The following JARID2 variants were observed in gnomAD, a reference collection of about 807,000 sequenced individuals.
JARID2 encodes protein Jumonji.
In JARID2, 21 loss-of-function variants were observed where a neutral mutation model predicts 125.6. The ratio of observed to expected loss-of-function variants is 0.17; its 90% CI spans 0.12 to 0.24. JARID2 has a LOEUF of 0.24. JARID2 is among the 10% of genes least tolerant of loss of function. JARID2 has a pLI of 1.00. For synonymous variants in JARID2, 736 were observed against 661.6 expected, an observed-to-expected ratio of 1.11 and a Z score of -1.73; for missense variants, 1,303 against 1,639.6, an observed-to-expected ratio of 0.79 and a Z score of 3.55.
chr6:15,367,580 C>A (rs1266295450), intron 1 of JARID2, among the ~76,000 whole-genome samples: 2 of 152,190 alleles, frequency 1.3e-5, no homozygotes, highest in Non-Finnish European at 2.9e-5. Context: ...ACTTCCTGAT[C>A]TGATATCTGC....
At chr6:15,276,190 T>C (rs967590559) in intron 1 of JARID2, among the ~76,000 whole-genome samples, 1 of 152,188 alleles carries the variant, frequency 6.6e-6, no homozygotes, top group Non-Finnish European at 1.5e-5. Context: ...ACTTGATAAA[T>C]GTCCTAGTTA....
Position 15,435,856 on chromosome 6 carries a change from G to A in JARID2, c.324-16150G>A, listed in dbSNP as rs185963675. On this transcript the variant is annotated intron_variant, in intron 3 of 17. Coordinates refer to ENST00000341776, the MANE Select transcript of JARID2 (RefSeq NM_004973.4). ...TTTTTTTAAACTTTGAACTTCAGGA[G>A]TACAGAGCAAACCAATCCCAAAGCT... Among the ~76,000 whole-genome samples, 663 of 151,536 alleles carry A rather than the reference G, an allele frequency of 4.4e-3. 4 individuals carry two copies. The highest frequency in any genetic ancestry group is 0.014 in the Middle Eastern group (4 of 294).
At chr6:15,418,694 T>A (rs1766349836) in intron 3 of JARID2, among the ~76,000 whole-genome samples, 1 of 151,872 alleles carries the variant, frequency 6.6e-6, no homozygotes, top group Admixed American at 6.5e-5. Flanking sequence ...CAATAGGACT[T>A]AGTTTAAACA....
intron 3 of JARID2, among the ~76,000 whole-genome samples, chr6:15,427,508 T>C (rs1766780448): frequency 1.3e-5 from 2 of 152,148 alleles, no homozygotes; most frequent in Admixed American, 6.6e-5. Flanking sequence ...TATGGTCTAG[T>C]ATGCTTTGTG....
At chr6:15,352,215 C>G (rs1385572835) in intron 1 of JARID2, among the ~76,000 whole-genome samples, 1 of 152,042 alleles carries the variant, frequency 6.6e-6, no homozygotes, top group Non-Finnish European at 1.5e-5. Context: ...ATATTAAAGG[C>G]TGCTAAAATC....
Position 15,511,321 on chromosome 6 carries a change from A to C in JARID2, c.2872A>C (p.Asn958His), listed in dbSNP as rs1284894640. The change falls in exon 13 of 18, where the codon AAC (asparagine) becomes CAC (histidine). Residue 958 changes from asparagine to histidine, a missense_variant. Coordinates refer to ENST00000341776, the MANE Select transcript of JARID2 (RefSeq NM_004973.4). The part of the protein sequence containing the change: ...IWYCIPAEEE[N>H]KLEDVVHTLL... ...GTATTGCATTCCTGCTGAGGAGGAGAACAAGCTGGAAGATGTGGTCCACAC... is the reference window on the plus strand; with the variant it reads ...GTATTGCATTCCTGCTGAGGAGGAGCACAAGCTGGAAGATGTGGTCCACAC... 1 of 1,613,794 alleles carries C rather than the reference A, an allele frequency of 6.2e-7. No individual in the cohort carries two copies. The highest frequency in any genetic ancestry group is 1.7e-5 in the Admixed American group (1 of 60,022).
At chr6:15,280,871 C>T (rs555040003) in intron 1 of JARID2, among the ~76,000 whole-genome samples, 7 of 152,256 alleles carry the variant, frequency 4.6e-5, no homozygotes, top group African/African-American at 1.4e-4. Flanking sequence ...TCAGGTTATC[C>T]TCCTGCCTTG....
chr6:15,379,507 G>A (rs559271642), intron 2 of JARID2, among the ~76,000 whole-genome samples: 2 of 152,308 alleles, frequency 1.3e-5, no homozygotes, highest in African/African-American at 4.8e-5. Context: ...GAATTACACA[G>A]TCAGAGAGGG....
intron 2 of JARID2, chr6:15,400,950 G>T (rs1765408192): frequency 7.8e-7 from 1 of 1,289,388 alleles, no homozygotes; most frequent in Non-Finnish European, 1.0e-6. Flanking sequence ...CGGCTCTGAG[G>T]ATGGCTGCTC....
At chr6:15,428,467 G>A (rs1319265119) in intron 3 of JARID2, among the ~76,000 whole-genome samples, 2 of 152,052 alleles carry the variant, frequency 1.3e-5, no homozygotes, top group Admixed American at 1.3e-4. Flanking sequence ...TGCCCTTCCT[G>A]TGTCCAAGTG....
intron 1 of JARID2, among the ~76,000 whole-genome samples, chr6:15,261,631 C>T (rs1413713452): frequency 6.8e-6 from 1 of 148,060 alleles, no homozygotes; most frequent in Non-Finnish European, 1.5e-5. Context: ...GGTGTTTTCT[C>T]TTCTAAGGAA....
In JARID2 at chr6:15,496,736, C is replaced by G. The variant is rs964892202; in HGVS notation, c.1511C>G (p.Ala504Gly). The G allele has an allele frequency of 4.3e-6, 7 of 1,613,612 alleles. No individual in the cohort carries two copies. The highest frequency in any genetic ancestry group is 5.9e-6 in the Non-Finnish European group (7 of 1,179,986). The change falls in exon 7 of 18, where the codon GCC (alanine) becomes GGC (glycine). Residue 504 changes from alanine (A) to glycine (G), a missense_variant. Physicochemically the swap from Ala to Gly is moderately conservative, Grantham distance 60. Around this residue, in one of 11 missense-constraint regions of JARID2, gnomAD observed 651 missense variants for 581.6 expected, o/e 1.12. Transcript: ENST00000341776. ...AGGAATCGGCCGAAGCGGGCCACGG[C>G]CGGGAAGAGCACGCCAGGCAGACAA... is the stretch of plus-strand genomic sequence containing the variant. ...LERNRPKRAT[A>G]GKSTPGRQAH...
At chr6:15,465,102 G>A (rs904018627) in intron 4 of JARID2, among the ~76,000 whole-genome samples, 3 of 152,130 alleles carry the variant, frequency 2.0e-5, no homozygotes, top group Non-Finnish European at 2.9e-5. Flanking sequence ...TATTTGCCGA[G>A]GAGCCATTAA....
At position 15,468,626 on chromosome 6, in the gene JARID2, A is replaced by G; in HGVS notation, c.578A>G (p.Glu193Gly). Residue 193 changes from glutamate to glycine, a missense_variant, in exon 5 of 18, where the codon GAA becomes GGA. By Grantham distance (98) the Glu-to-Gly change is moderately conservative. Around this residue, in one of 11 missense-constraint regions of JARID2, gnomAD observed 651 missense variants for 581.6 expected, o/e 1.12. Coordinates refer to ENST00000341776, the MANE Select transcript of JARID2 (RefSeq NM_004973.4). ...GTCGAGGAGGAAGATGATGAGACAG[A>G]AGACGTCAAAACAGCCACCAACAAT... is the stretch of plus-strand genomic sequence containing the variant. ...EEVEEEDDET[E>G]DVKTATNNAS... The G allele has an allele frequency of 6.2e-7, 1 of 1,614,188 alleles. No homozygotes were observed. Among genetic ancestry groups the G allele is most frequent in the Non-Finnish European group, 8.5e-7 (1 of 1,180,016 alleles).
intron 14 of JARID2, among the ~76,000 whole-genome samples, chr6:15,512,675 G>A (rs1415277578): frequency 6.6e-6 from 1 of 152,128 alleles, no homozygotes; most frequent in African/African-American, 2.4e-5. Flanking sequence ...AGAATGGACA[G>A]AGAACCTCCA....
chr6:15,487,861 T>C lies in JARID2; in HGVS notation c.906+319T>C, dbSNP rs961635102. ...GAGCGGTAGAGTGGCAGGGAACATGTTTTTCTCAGGGTAGGTTTTGAAACA... is the reference window on the plus strand; with the variant it reads ...GAGCGGTAGAGTGGCAGGGAACATGCTTTTCTCAGGGTAGGTTTTGAAACA... On this transcript the variant is annotated intron_variant, in intron 6 of 17. Coordinates refer to ENST00000341776, the MANE Select transcript of JARID2 (RefSeq NM_004973.4). Among the ~76,000 whole-genome samples the C allele has an allele frequency of 7.7e-5, 10 of 129,334 alleles. 1 individual carries two copies. The highest frequency in any genetic ancestry group is 2.4e-4 in the African/African-American group (8 of 34,008). The allele number at this position is 129,334 out of a possible 152,430, so 84.8% of individuals were successfully genotyped here. A position where few individuals can be genotyped will look rare whatever the true frequency, so the allele number is the denominator to read the frequency against.
intron 2 of JARID2, among the ~76,000 whole-genome samples, chr6:15,380,729 A>G (rs1764549429): frequency 6.6e-6 from 1 of 152,156 alleles, no homozygotes; most frequent in Admixed American, 6.5e-5. Context: ...AGAATCTTTC[A>G]GTCATTTCCA....
chr6:15,394,936 T>A (rs1331400497), intron 2 of JARID2, among the ~76,000 whole-genome samples: 1 of 41,784 alleles, frequency 2.4e-5, no homozygotes, highest in East Asian at 4.7e-4. Context: ...CGTAGAATAA[T>A]TCCTTTTTTT....
intron 6 of JARID2, 98 bp from the exon 7 acceptor site, chr6:15,496,034 C>G: frequency 1.0e-6 from 1 of 981,840 alleles, no homozygotes; most frequent in Non-Finnish European, 1.5e-6. Context: ...TCTGTTCATC[C>G]CCAGCATCCA....
Sources: gnomAD v4.1 joint callset for allele counts (sites outside exome capture counted in the v4.1 genomes callset) on GRCh38, gnomAD v4.1.1 for gene constraint, gnomAD v4.1.1 regional missense constraint, MANE v1.5 for transcripts, NCBI Gene and HGNC (gene_info 2026-07-23, HGNC 2026-07-21) for gene names.